Variants in TMEM117 observed in about 807,000 individuals in gnomAD.
TMEM117 encodes transmembrane protein 117.
Under a neutral mutation model 52.4 loss-of-function variants are expected in TMEM117, and 27 were observed. The ratio of observed to expected loss-of-function variants is 0.51; its 90% CI spans 0.38 to 0.71. The LOEUF (loss-of-function observed/expected upper bound fraction) is 0.71. TMEM117 is among the 30% of genes least tolerant of loss of function. The probability of loss-of-function intolerance (pLI) is 0.00; values close to 1 mark genes in which losing one functional copy is unlikely to be tolerated. For missense variants in TMEM117, 556 were observed against 630.5 expected (o/e 0.88, Z 1.26); for synonymous variants, 215 against 206.3 (o/e 1.04, Z -0.36).
intron 3 of TMEM117, among the ~76,000 whole-genome samples, chr12:43,950,205 A>C (rs1260068852): frequency 6.6e-6 from 1 of 152,234 alleles, no homozygotes; most frequent in East Asian, 1.9e-4. Flanking sequence ...TGTTTAGGCC[A>C]ATCTTGAGGA....
At chr12:44,002,280 AAT>A in intron 3 of TMEM117, among the ~76,000 whole-genome samples, 1 of 152,170 alleles carries the variant, frequency 6.6e-6, no homozygotes, top group East Asian at 1.9e-4. Context: ...ATAAAATTAG[AAT>A]AACCCCTTTT....
intron 3 of TMEM117, among the ~76,000 whole-genome samples, chr12:43,983,582 GTGTGTGTGTGTA>G (rs1945796785): frequency 6.8e-6 from 1 of 147,172 alleles, no homozygotes; most frequent in African/African-American, 2.6e-5. Flanking sequence ...GTGTGTGTGT[GTGTGTGTGTGTA>G]TGGTTGGCAT....
At chr12:44,303,730 C>T (rs1227973048) in intron 6 of TMEM117, among the ~76,000 whole-genome samples, 1 of 152,178 alleles carries the variant, frequency 6.6e-6, no homozygotes, top group Non-Finnish European at 1.5e-5. Flanking sequence ...TATTTCTTTG[C>T]ATAAGTATTT....
intron 3 of TMEM117, among the ~76,000 whole-genome samples, chr12:43,997,660 A>C (rs577639282): frequency 6.6e-6 from 1 of 152,258 alleles, no homozygotes; most frequent in East Asian, 1.9e-4. Context: ...TGTCACTGGC[A>C]TTGTATTTAC....
rs1476627222 is a variant in TMEM117, at chr12:44,388,131, G to C, written c.1004G>C (p.Gly335Ala). The C allele has an allele frequency of 6.2e-7, 1 of 1,612,888 alleles. No individual in the cohort carries two copies. Among genetic ancestry groups the C allele is most frequent in the Non-Finnish European group, 8.5e-7 (1 of 1,179,542 alleles). ...CCTCATGAATATGGGCAATATATCG[G>C]CCCGGGGCAGAAGATATATACAGTG... Reference protein sequence around the residue: ...YKPHEYGQYIGPGQKIYTVKD... With the variant: ...YKPHEYGQYIAPGQKIYTVKD... Residue 335 changes from glycine (G) to alanine (A), a missense_variant, in exon 8 of 8, where the codon GGC becomes GCC. Transcript: ENST00000266534.
intron 3 of TMEM117, among the ~76,000 whole-genome samples, chr12:44,017,391 A>C (rs1357805580): frequency 6.8e-6 from 1 of 147,924 alleles, no homozygotes; most frequent in African/African-American, 2.5e-5. Flanking sequence ...CCAAAAAAGG[A>C]AAAACCCCAA....
At chr12:43,848,349 C>T (rs1048411602) in intron 2 of TMEM117, among the ~76,000 whole-genome samples, 1 of 152,132 alleles carries the variant, frequency 6.6e-6, no homozygotes, top group Non-Finnish European at 1.5e-5. Context: ...GGGCTTATCT[C>T]AGTCCTTATC....
At chr12:44,106,157 C>T (rs1947950398) in intron 3 of TMEM117, among the ~76,000 whole-genome samples, 1 of 152,072 alleles carries the variant, frequency 6.6e-6, no homozygotes. Context: ...GCAGCTTGCA[C>T]TTCTCTGACA....
chr12:44,091,140 C>T (rs1028425882), intron 3 of TMEM117, among the ~76,000 whole-genome samples: 4 of 151,904 alleles, frequency 2.6e-5, no homozygotes, highest in East Asian at 3.9e-4. Flanking sequence ...TACATGGTGG[C>T]GGCAAGAGAA....
At chr12:44,054,596 G>C (rs961190073) in intron 3 of TMEM117, among the ~76,000 whole-genome samples, 2 of 152,094 alleles carry the variant, frequency 1.3e-5, no homozygotes, top group African/African-American at 4.8e-5. Flanking sequence ...TTAAATATCA[G>C]AAGTACATTG....
intron 5 of TMEM117, among the ~76,000 whole-genome samples, chr12:44,284,894 T>A (rs1275143564): frequency 1.3e-5 from 2 of 152,244 alleles, no homozygotes; most frequent in African/African-American, 4.8e-5. Flanking sequence ...AGATTAACTA[T>A]GTTCTATACC....
At chr12:43,919,811 G>T (rs1290325353) in intron 2 of TMEM117, among the ~76,000 whole-genome samples, 2 of 125,102 alleles carry the variant, frequency 1.6e-5, no homozygotes, top group Non-Finnish European at 3.2e-5. Context: ...TTTTGTTGTT[G>T]TTGTTAATTG....
At chr12:44,085,383 A>T (rs1004831648) in intron 3 of TMEM117, among the ~76,000 whole-genome samples, 1 of 152,238 alleles carries the variant, frequency 6.6e-6, no homozygotes, top group Admixed American at 6.5e-5. Context: ...GTAGATACAG[A>T]ACATGTATTC....
intron 5 of TMEM117, among the ~76,000 whole-genome samples, chr12:44,280,600 T>C (rs1950565719): frequency 6.6e-6 from 1 of 152,138 alleles, no homozygotes; most frequent in Non-Finnish European, 1.5e-5. Context: ...TTTGTGTACA[T>C]ATTGGCATCC....
At chr12:44,382,899 G>C (rs935025585) in intron 7 of TMEM117, among the ~76,000 whole-genome samples, 9 of 152,172 alleles carry the variant, frequency 5.9e-5, no homozygotes, top group Non-Finnish European at 2.9e-5. Context: ...AAATTGCCTA[G>C]GGAGAGACAT....
the TMEM117 span, among the ~76,000 whole-genome samples, chr12:43,803,319 T>G: frequency 6.6e-6 from 1 of 152,136 alleles, no homozygotes; most frequent in Non-Finnish European, 1.5e-5. Context: ...GTATCAGAAC[T>G]CCCAATTGTA....
chr12:43,939,012 A>AC (rs1945000814), intron 2 of TMEM117, among the ~76,000 whole-genome samples: 1 of 151,926 alleles, frequency 6.6e-6, no homozygotes, highest in African/African-American at 2.4e-5. Context: ...AATAAAAAAA[A>AC]AAATAAAAAA....
At chr12:44,135,282 G>A (rs113742072) in intron 3 of TMEM117, among the ~76,000 whole-genome samples, 4 of 152,322 alleles carry the variant, frequency 2.6e-5, no homozygotes, top group African/African-American at 7.2e-5. Context: ...CAGGCACTGA[G>A]TGATAATCCA....
chr12:43,846,861 A>G (rs1294247051), intron 2 of TMEM117, among the ~76,000 whole-genome samples: 1 of 152,194 alleles, frequency 6.6e-6, no homozygotes, highest in Non-Finnish European at 1.5e-5. Context: ...ACACACACAC[A>G]TACACGTAGT....
Sources: gnomAD v4.1 joint callset for allele counts (sites outside exome capture counted in the v4.1 genomes callset) on GRCh38, gnomAD v4.1.1 for gene constraint, MANE v1.5 for transcripts, NCBI Gene and HGNC (gene_info 2026-07-23, HGNC 2026-07-21) for gene names.